The following PHLPP1 variants were observed in gnomAD, a reference collection of about 807,000 sequenced individuals.
The protein encoded by PHLPP1 is PH domain and leucine rich repeat protein phosphatase 1.
PHLPP1 carries 42 observed loss-of-function variants against 117.2 expected under a neutral mutation model. The observed-to-expected ratio is 0.36, with a 90% CI of 0.28 to 0.46. PHLPP1 has a LOEUF of 0.46. PHLPP1 is among the 20% of genes least tolerant of loss of function. The pLI is 1.00. For synonymous variants in PHLPP1, 1,042 were observed against 970.7 expected (o/e 1.07, Z -1.37); for missense variants, 2,084 against 2,241.9 (o/e 0.93, Z 1.42).
chr18:62,717,678 G>T (rs1338993170), intron 1 of PHLPP1, among the ~76,000 whole-genome samples: 1 of 152,082 alleles, frequency 6.6e-6, no homozygotes, highest in Non-Finnish European at 1.5e-5. Flanking sequence ...TCACACTTTT[G>T]CCTGCATTTG....
intron 1 of PHLPP1, among the ~76,000 whole-genome samples, chr18:62,773,693 C>T (rs1046266851): frequency 6.6e-6 from 1 of 152,164 alleles, no homozygotes; most frequent in Non-Finnish European, 1.5e-5. Context: ...ATTTGAAAAG[C>T]CATTGCTGAT....
chr18:62,973,125 A>G (rs535662403), intron 15 of PHLPP1, among the ~76,000 whole-genome samples: 15 of 152,362 alleles, frequency 9.8e-5, no homozygotes, highest in Admixed American at 3.3e-4. Flanking sequence ...ATGAAATACT[A>G]TCACTGGTTT....
At position 62,951,444 on chromosome 18, in the gene PHLPP1, A is replaced by G. The variant is rs150960590; in HGVS notation, c.3324+6173A>G. On this transcript the variant is annotated intron_variant, in intron 12 of 16. Coordinates refer to ENST00000262719, the MANE Select transcript of PHLPP1 (RefSeq NM_194449.4). Reference sequence around the variant, plus strand: ...AGTCCTTCATGAACTCATGCATTTTAGAAGGCATCTCTTTAGAGAGGCTTC... The same window carrying G: ...AGTCCTTCATGAACTCATGCATTTTGGAAGGCATCTCTTTAGAGAGGCTTC... Among the ~76,000 whole-genome samples the G allele has an allele frequency of 7.2e-5, 11 of 152,316 alleles. No individual in the cohort carries two copies. The East Asian group carries it at 2.1e-3, about 29-fold the overall frequency.
intron 4 of PHLPP1, among the ~76,000 whole-genome samples, chr18:62,870,604 C>T (rs912201299): frequency 1.3e-5 from 2 of 152,148 alleles, no homozygotes; most frequent in Non-Finnish European, 2.9e-5. Flanking sequence ...TTTTAGGTTA[C>T]AATGTTAGGA....
chr18:62,722,109 C>T (rs1910938499), intron 1 of PHLPP1, among the ~76,000 whole-genome samples: 2 of 152,202 alleles, frequency 1.3e-5, no homozygotes, highest in Admixed American at 6.5e-5. Flanking sequence ...TCTCCCATGG[C>T]AGGAGATTTT....
intron 1 of PHLPP1, chr18:62,826,146 A>C: frequency 3.3e-6 from 1 of 306,594 alleles, no homozygotes; most frequent in Non-Finnish European, 6.5e-6. Flanking sequence ...GTCTGTGCAT[A>C]TTTATTTATT....
chr18:62,779,828 TATC>T (rs1448099087), intron 1 of PHLPP1, among the ~76,000 whole-genome samples: 1 of 152,176 alleles, frequency 6.6e-6, no homozygotes, highest in Non-Finnish European at 1.5e-5. Context: ...CTTGCTGAAG[TATC>T]ATCAGGCCAT....
At chr18:62,781,310 A>G (rs75937998) in intron 1 of PHLPP1, among the ~76,000 whole-genome samples, 10,292 of 152,206 alleles carry the variant, frequency 0.068, 397 homozygotes, top group Middle Eastern at 0.088. Context: ...GCTTTGGACA[A>G]ATTTTCTCTC....
intron 1 of PHLPP1, among the ~76,000 whole-genome samples, chr18:62,787,547 G>A (rs1913330210): frequency 6.6e-6 from 1 of 152,090 alleles, no homozygotes; most frequent in Non-Finnish European, 1.5e-5. Context: ...GACAGAAGCA[G>A]GAATTGAATT....
intron 4 of PHLPP1, among the ~76,000 whole-genome samples, chr18:62,891,652 G>T (rs1465890963): frequency 6.6e-6 from 1 of 151,620 alleles, no homozygotes; most frequent in Non-Finnish European, 1.5e-5. Flanking sequence ...CACTTTGGGA[G>T]GCCAAGACAG....
At chr18:62,719,146 A>G (rs1002599274) in intron 1 of PHLPP1, among the ~76,000 whole-genome samples, 10 of 152,320 alleles carry the variant, frequency 6.6e-5, no homozygotes, top group African/African-American at 2.4e-4. Flanking sequence ...AAATGCATGT[A>G]TGCCTCTGAG....
chr18:62,787,021 G>GCATT (rs1452859035), intron 1 of PHLPP1, among the ~76,000 whole-genome samples: 1 of 152,082 alleles, frequency 6.6e-6, no homozygotes. Context: ...AAGCGTGCAT[G>GCATT]CATTCATTCA....
intron 4 of PHLPP1, among the ~76,000 whole-genome samples, chr18:62,873,001 A>G (rs867950755): frequency 1.4e-5 from 2 of 147,952 alleles, no homozygotes; most frequent in Non-Finnish European, 1.5e-5. Context: ...AAAAAAAAAA[A>G]AAAAAAGAAA....
At chr18:62,881,111 G>A (rs1462011036) in intron 4 of PHLPP1, among the ~76,000 whole-genome samples, 2 of 152,056 alleles carry the variant, frequency 1.3e-5, no homozygotes, top group East Asian at 1.9e-4. Context: ...TCTCTTTAGG[G>A]CTGGTTGTAG....
intron 3 of PHLPP1, among the ~76,000 whole-genome samples, chr18:62,851,369 A>T (rs1915345645): frequency 1.3e-5 from 2 of 152,236 alleles, no homozygotes; most frequent in South Asian, 2.1e-4. Context: ...TTTTAACTAT[A>T]TTTTAACAGG....
chr18:62,931,526 AAAAG>A (rs1239623318), intron 10 of PHLPP1, among the ~76,000 whole-genome samples: 2 of 152,030 alleles, frequency 1.3e-5, no homozygotes, highest in Non-Finnish European at 2.9e-5. Flanking sequence ...CCAAAAAAAA[AAAAG>A]AGTCAGTGAA....
At chr18:62,852,422 C>A (rs978488215) in intron 3 of PHLPP1, among the ~76,000 whole-genome samples, 1 of 152,150 alleles carries the variant, frequency 6.6e-6, no homozygotes, top group African/African-American at 2.4e-5. Context: ...CGGCTCACTG[C>A]GAGCTCCGCC....
rs75005611 is a variant in PHLPP1, at chr18:62,941,352, A to G, written c.2961-366A>G. On this transcript the variant is annotated intron_variant, in intron 10 of 16. Coordinates refer to ENST00000262719, the MANE Select transcript of PHLPP1 (RefSeq NM_194449.4). ...ACTCCTGGCATCCTCCTGCTTTAGCAAAAACTTTTGATTACAAAATAGGAA... is the reference window on the plus strand; with the variant it reads ...ACTCCTGGCATCCTCCTGCTTTAGCGAAAACTTTTGATTACAAAATAGGAA... 0.011 allele frequency among the ~76,000 whole-genome samples: 1,609 copies of G among 152,312 alleles called. 58 individuals carry two copies. The East Asian group carries it at 0.12, about 11-fold the overall frequency.
At chr18:62,849,569 G>T (rs1390162036) in intron 3 of PHLPP1, among the ~76,000 whole-genome samples, 1 of 149,716 alleles carries the variant, frequency 6.7e-6, no homozygotes, top group Admixed American at 6.7e-5. Context: ...GCTGAGGCAG[G>T]AGAGTTGTTT....
Sources: gnomAD v4.1 joint callset for allele counts (sites outside exome capture counted in the v4.1 genomes callset) on GRCh38, gnomAD v4.1.1 for gene constraint, MANE v1.5 for transcripts, NCBI Gene and HGNC (gene_info 2026-07-23, HGNC 2026-07-21) for gene names.